Variants in NEK1 observed in about 807,000 individuals in gnomAD.
NEK1 encodes the protein serine/threonine-protein kinase Nek1.
NEK1 carries 137 observed loss-of-function variants against 182.1 expected under a neutral mutation model. The observed-to-expected ratio is 0.75, with a 90% CI of 0.65 to 0.87. The LOEUF (loss-of-function observed/expected upper bound fraction) is 0.87, where lower values mean the gene tolerates loss of function less well. Ranked by LOEUF, NEK1 falls within the 40% of genes least tolerant of loss-of-function variation. NEK1 has a pLI of 0.00. For missense variants in NEK1, 1,391 were observed against 1,494.4 expected, an observed-to-expected ratio of 0.93 and a Z score of 1.14; for synonymous variants, 513 against 492.2, an observed-to-expected ratio of 1.04 and a Z score of -0.56.
chr4:169,470,860 T>A (rs1436556655), intron 26 of NEK1, among the ~76,000 whole-genome samples: 3 of 148,676 alleles, frequency 2.0e-5, no homozygotes, highest in African/African-American at 7.9e-5. Context: ...TCACTCTTTA[T>A]TTCATTAGGT....
At chr4:169,547,843 A>T (rs1202840330) in intron 18 of NEK1, among the ~76,000 whole-genome samples, 1 of 151,950 alleles carries the variant, frequency 6.6e-6, no homozygotes, top group East Asian at 1.9e-4. Context: ...TTCTTCTTTA[A>T]ACTGGTTATT....
chr4:169,428,287 C>A (rs1736746888), intron 29 of NEK1, among the ~76,000 whole-genome samples: 1 of 145,146 alleles, frequency 6.9e-6, no homozygotes, highest in Admixed American at 7.2e-5. Flanking sequence ...CAGCACTCTT[C>A]CAATAGCCAG....
intron 27 of NEK1, among the ~76,000 whole-genome samples, chr4:169,449,275 C>A (rs879805381): frequency 1.3e-5 from 2 of 152,256 alleles, no homozygotes; most frequent in African/African-American, 4.8e-5. Context: ...ACTTAAACGA[C>A]CCTGTCTAAC....
chr4:169,590,112 A>G (rs747640187), intron 6 of NEK1, among the ~76,000 whole-genome samples: 1 of 152,200 alleles, frequency 6.6e-6, no homozygotes, highest in Non-Finnish European at 1.5e-5. Flanking sequence ...GTTCAAGATC[A>G]GCCTGGCCAA....
intron 19 of NEK1, among the ~76,000 whole-genome samples, chr4:169,531,554 C>T (rs114956034): frequency 0.012 from 1,807 of 151,524 alleles, 32 homozygotes; most frequent in African/African-American, 0.041. Context: ...GAAGCAAAGT[C>T]GAGGAGAAAC....
chr4:169,498,621 A>C (rs1274670404), intron 23 of NEK1, among the ~76,000 whole-genome samples: 7 of 152,096 alleles, frequency 4.6e-5, no homozygotes, highest in Admixed American at 4.6e-4. Flanking sequence ...ATCTCTCAGC[A>C]TTTGCTTGTC....
Position 169,561,716 on chromosome 4 carries a change from C to G in NEK1, c.1162G>C (p.Glu388Gln). Residue 388 changes from glutamate (E) to glutamine (Q), a missense_variant, in exon 15 of 36, where the codon GAA becomes CAA. Glu to Gln is a conservative substitution (Grantham distance 29). Coordinates refer to ENST00000507142, the MANE Select transcript of NEK1 (RefSeq NM_001199397.3). The stretch of plus-strand genomic sequence containing the variant: ...TCCTTTTCTTGCCTTTTCATTTGTT[C>G]AGCCTTCATTAAACTAATAATCTGT... ...KDQIISLMKAEQMKRQEKERL... is the reference protein window; with the variant it reads ...KDQIISLMKAQQMKRQEKERL... 1 of 1,572,348 alleles carries G rather than the reference C, an allele frequency of 6.4e-7. No individual in the cohort carries two copies. Among genetic ancestry groups the G allele is most frequent in the Non-Finnish European group, 8.6e-7 (1 of 1,157,120 alleles).
intron 33 of NEK1, 76 bp downstream of exon 33, chr4:169,401,576 G>A (rs1240100749): frequency 4.6e-6 from 6 of 1,306,096 alleles, no homozygotes; most frequent in Middle Eastern, 1.9e-4. Flanking sequence ...GTTCACAGCA[G>A]AGATTAGAAA....
Position 169,426,008 on chromosome 4 carries a change from C to T in NEK1, c.2974+138G>A, listed in dbSNP as rs1373559283. On this transcript the variant is annotated intron_variant, in intron 30 of 35. Transcript: ENST00000507142. Reference sequence around the variant, plus strand: ...TATTAATGTAGTCCAGTGTGCTATGCCTATTATATTTTTTAAATGATTGAG... The same window carrying T: ...TATTAATGTAGTCCAGTGTGCTATGTCTATTATATTTTTTAAATGATTGAG... 34 of 637,352 alleles carry T rather than the reference C, an allele frequency of 5.3e-5. No individual in the cohort carries two copies. In the South Asian group the frequency reaches 6.8e-4, roughly 13 times the overall value. 39.5% of individuals were successfully genotyped at this position (637,352 alleles called of 1,614,324 possible).
rs754634844 is a variant in NEK1 at position 169,424,759 on chromosome 4, C to G, written c.3016G>C (p.Asp1006His). Reference sequence around the variant, plus strand: ...AATGGTTCCGGTTGCACAGACTTATCTACATCACATTTAGAGTGCTGAGAA... The same window carrying G: ...AATGGTTCCGGTTGCACAGACTTATGTACATCACATTTAGAGTGCTGAGAA... Reference protein sequence around the residue: ...NDSQHSKCDVDKSVQPEPFFH... With the variant: ...NDSQHSKCDVHKSVQPEPFFH... The change falls in exon 31 of 36, where the codon GAT becomes CAT. Residue 1006 changes from aspartate to histidine, a missense_variant. Around this residue, in one of 5 missense-constraint regions of NEK1, gnomAD observed 1,216 missense variants for 1,277.6 expected, o/e 0.95. Transcript: ENST00000507142. The G allele has an allele frequency of 3.7e-6, 6 of 1,613,532 alleles. No individual in the cohort carries two copies. Among genetic ancestry groups the G allele is most frequent in the Non-Finnish European group, 5.1e-6 (6 of 1,179,564 alleles).
intron 12 of NEK1, among the ~76,000 whole-genome samples, chr4:169,566,963 T>C (rs761693503): frequency 3.3e-5 from 5 of 151,936 alleles, no homozygotes; most frequent in South Asian, 2.1e-4. Context: ...GGTGTGGTAG[T>C]ATGCACATGT....
chr4:169,586,834 A>T (rs905600083), intron 9 of NEK1, among the ~76,000 whole-genome samples: 1 of 152,062 alleles, frequency 6.6e-6, no homozygotes. Flanking sequence ...AACTTCTTAT[A>T]AAGTCTAATC....
intron 23 of NEK1, among the ~76,000 whole-genome samples, chr4:169,489,169 T>G: frequency 6.6e-6 from 1 of 152,186 alleles, no homozygotes; most frequent in East Asian, 1.9e-4. Flanking sequence ...CCCAATGAAT[T>G]TATTTGTGTT....
At chr4:169,608,833 C>T (rs915973277) in intron 2 of NEK1, among the ~76,000 whole-genome samples, 1 of 151,880 alleles carries the variant, frequency 6.6e-6, no homozygotes, top group African/African-American at 2.4e-5. Context: ...CCGAGGCAGG[C>T]GGATCACTTG....
intron 18 of NEK1, among the ~76,000 whole-genome samples, chr4:169,539,894 G>C (rs1022591475): frequency 6.6e-6 from 1 of 152,066 alleles, no homozygotes; most frequent in Non-Finnish European, 1.5e-5. Flanking sequence ...GATGCTTTCT[G>C]TGTCCAGTGA....
At position 169,491,102 on chromosome 4, in the gene NEK1, C is replaced by T. The variant is rs34191648; in HGVS notation, c.2008-11568G>A. Among the ~76,000 whole-genome samples, 782 of 123,820 alleles carry T rather than the reference C, an allele frequency of 6.3e-3. 2 individuals carry two copies. Among genetic ancestry groups the T allele is most frequent in the Middle Eastern group, 0.025 (4 of 158 alleles). The allele number at this position is 123,820 out of a possible 152,430, so 81.2% of individuals were successfully genotyped here. A position where few individuals can be genotyped will look rare whatever the true frequency, so the allele number is the denominator to read the frequency against. Reference sequence around the variant, plus strand: ...AGGCTGCAGTGAGCCAAGATTACGTCACTGCACTCCAGCAACAGAGGAAGA... The same window carrying T: ...AGGCTGCAGTGAGCCAAGATTACGTTACTGCACTCCAGCAACAGAGGAAGA... On this transcript the variant is annotated intron_variant, in intron 23 of 35. Transcript: ENST00000507142.
At chr4:169,598,979 T>C (rs1009668187) in intron 5 of NEK1, 121 bp downstream of exon 5, 6 of 694,814 alleles carry the variant, frequency 8.6e-6, no homozygotes, top group African/African-American at 1.8e-5. Context: ...ACTATTGATA[T>C]ACTAAACTTC....
intron 23 of NEK1, among the ~76,000 whole-genome samples, chr4:169,493,813 T>C (rs1366924453): frequency 1.3e-5 from 2 of 151,992 alleles, no homozygotes; most frequent in Non-Finnish European, 2.9e-5. Flanking sequence ...AACCAATGAA[T>C]TACTGGCATT....
chr4:169,472,287 G>C (rs1746134640), intron 26 of NEK1, among the ~76,000 whole-genome samples: 1 of 152,114 alleles, frequency 6.6e-6, no homozygotes, highest in Admixed American at 6.5e-5. Flanking sequence ...GGAATCTTTT[G>C]GTCTGTGGGT....
Sources: allele counts gnomAD v4.1 joint callset (sites outside exome capture counted in the v4.1 genomes callset), GRCh38; gene constraint gnomAD v4.1.1; regional missense constraint gnomAD v4.1.1; transcripts MANE v1.5; gene names NCBI Gene and HGNC (gene_info 2026-07-23, HGNC 2026-07-21).